Variants in CDYL observed in about 807,000 individuals in gnomAD.
The protein encoded by CDYL is chromodomain Y-like protein.
CDYL carries 8 observed loss-of-function variants against 47.3 expected under a neutral mutation model. The observed-to-expected ratio is 0.17, with a 90% CI of 0.10 to 0.31. The LOEUF is 0.31. Among genes scored for constraint, CDYL ranks in the 10% least tolerant of loss-of-function variants. The pLI, the probability that CDYL is intolerant of heterozygous loss-of-function variation, is 1.00. For missense variants in CDYL, 471 were observed against 701.4 expected (o/e 0.67, Z 3.71); for synonymous variants, 266 against 265.0 (o/e 1.00, Z -0.04).
chr6:4,806,463 C>A (rs902473446), intron 1 of CDYL, among the ~76,000 whole-genome samples: 1 of 152,312 alleles, frequency 6.6e-6, no homozygotes, highest in East Asian at 1.9e-4. Flanking sequence ...TTTAGAGTTT[C>A]GCAGCAAAGT....
intron 2 of CDYL, among the ~76,000 whole-genome samples, chr6:4,905,619 C>T (rs531124777): frequency 6.6e-6 from 1 of 152,256 alleles, no homozygotes; most frequent in Non-Finnish European, 1.5e-5. Context: ...CCAGTGAAGC[C>T]GTTGACTGCC....
chr6:4,839,807 T>C (rs1162028858), intron 1 of CDYL, among the ~76,000 whole-genome samples: 1 of 152,220 alleles, frequency 6.6e-6, no homozygotes, highest in Non-Finnish European at 1.5e-5. Context: ...TACCATGCTG[T>C]TTTGGTGACT....
At chr6:4,863,951 A>C (rs1761247622) in intron 1 of CDYL, among the ~76,000 whole-genome samples, 1 of 152,176 alleles carries the variant, frequency 6.6e-6, no homozygotes, top group Non-Finnish European at 1.5e-5. Flanking sequence ...AACCCTAGCA[A>C]ATTGAATTGA....
upstream of CDYL, among the ~76,000 whole-genome samples, chr6:4,774,075 C>G (rs1421201681): frequency 6.6e-6 from 1 of 152,180 alleles, no homozygotes; most frequent in African/African-American, 2.4e-5. Context: ...AGTACCATTA[C>G]GCACATGGTG....
chr6:4,894,865 A>G lies in CDYL; in HGVS notation c.691+2486A>G, dbSNP rs150737459. Among the ~76,000 whole-genome samples the G allele has an allele frequency of 2.9e-3, 57 of 19,748 alleles. 1 individual carries two copies. The highest frequency in any genetic ancestry group is 3.7e-3 in the African/African-American group (54 of 14,576). The allele number at this position is 19,748 out of a possible 152,430, so 13.0% of individuals were successfully genotyped here. A position where few individuals can be genotyped will look rare whatever the true frequency, so the allele number is the denominator to read the frequency against. On this transcript the variant is annotated intron_variant, in intron 2 of 6. Coordinates refer to ENST00000397588, the MANE Select transcript of CDYL (RefSeq NM_004824.4). ...TGTGTGTGTGTGTGTGTATATGTGT[A>G]TATACACACATGTGTATGTGTGTGT...
intron 2 of CDYL, among the ~76,000 whole-genome samples, chr6:4,893,445 C>T (rs1243419646): frequency 6.6e-6 from 1 of 152,226 alleles, no homozygotes. Context: ...GTAGTCTCAA[C>T]ACTTTGGGAG....
At chr6:4,952,498 G>C in intron 6 of CDYL, 89 bp downstream of exon 6, 4 of 1,425,980 alleles carry the variant, frequency 2.8e-6, no homozygotes, top group Non-Finnish European at 3.8e-6. Context: ...TTATTCCTAA[G>C]TCCTTTACGT....
intron 2 of CDYL, among the ~76,000 whole-genome samples, chr6:4,718,943 G>C (rs1757321071): frequency 6.7e-6 from 1 of 149,432 alleles, no homozygotes; most frequent in Non-Finnish European, 1.5e-5. Context: ...TTTCTTTTCA[G>C]ACAGAGTTTT....
intron 2 of CDYL, among the ~76,000 whole-genome samples, chr6:4,910,292 G>A (rs1757373069): frequency 6.6e-6 from 1 of 152,220 alleles, no homozygotes; most frequent in Non-Finnish European, 1.5e-5. Flanking sequence ...GCTCAGGTTT[G>A]TTAAACAGTG....
chr6:4,947,267 A>T (rs1442132799), intron 5 of CDYL, among the ~76,000 whole-genome samples: 2 of 152,094 alleles, frequency 1.3e-5, no homozygotes, highest in African/African-American at 4.8e-5. Context: ...TCTGATAGGG[A>T]TGGGTGGGCC....
chr6:4,902,197 G>A (rs977359398), intron 2 of CDYL, among the ~76,000 whole-genome samples: 1 of 151,624 alleles, frequency 6.6e-6, no homozygotes, highest in African/African-American at 2.4e-5. Context: ...TCTGGAGTTC[G>A]AGACCGGCCT....
rs1762055871 is a variant in CDYL, at chr6:4,891,962, T to G, written c.274T>G (p.Ser92Ala). ...CTCCAGATCCACCAACAGCAACTTTTCTAAGACCTCTCCTAAGGCACTCGT... is the reference window on the plus strand; with the variant it reads ...CTCCAGATCCACCAACAGCAACTTTGCTAAGACCTCTCCTAAGGCACTCGT... ...QISRSTNSNF[S>A]KTSPKALVIG... Residue 92 changes from serine to alanine, a missense_variant, in exon 2 of 7, where the codon TCT becomes GCT. Ser to Ala is a moderately conservative substitution (Grantham distance 99). Around this residue, in one of 3 missense-constraint regions of CDYL, gnomAD observed 311 missense variants for 350.0 expected, o/e 0.89. Coordinates refer to ENST00000397588, the MANE Select transcript of CDYL (RefSeq NM_004824.4). 3 of 1,613,982 alleles carry G rather than the reference T, an allele frequency of 1.9e-6. No homozygotes were observed. In the African/African-American group the frequency reaches 4.0e-5, roughly 22 times the overall value.
At chr6:4,724,836 G>C (rs748028018) in intron 2 of CDYL, 4 of 152,080 alleles carry the variant, frequency 2.6e-5, no homozygotes, top group African/African-American at 7.2e-5. Context: ...ATTGCAAAGA[G>C]CAAAAAAATA....
In CDYL at chr6:4,858,359, G is replaced by A. The variant is rs145511356; in HGVS notation, c.25-33354G>A. On this transcript the variant is annotated intron_variant, in intron 1 of 6. Transcript: ENST00000397588. ...TATCTTACTGACATGTAATAATGGC[G>A]AACACAAACACAGTCCTGGCAGGTG... Among the ~76,000 whole-genome samples, 1,036 of 152,242 alleles carry A rather than the reference G, an allele frequency of 6.8e-3. 13 individuals carry two copies. The highest frequency in any genetic ancestry group is 0.024 in the African/African-American group (1,003 of 41,522).
chr6:4,930,138 C>G (rs141654161), intron 2 of CDYL, among the ~76,000 whole-genome samples: 1 of 152,150 alleles, frequency 6.6e-6, no homozygotes, highest in African/African-American at 2.4e-5. Context: ...TTGATGAAAT[C>G]TCTGCTCTGG....
intron 4 of CDYL, among the ~76,000 whole-genome samples, chr6:4,941,642 A>G (rs1353116275): frequency 6.6e-6 from 1 of 152,230 alleles, no homozygotes; most frequent in Non-Finnish European, 1.5e-5. Context: ...TCAAAATCTA[A>G]GTTTCGACTT....
At chr6:4,772,983 T>G (rs1758359774), upstream of CDYL, 1 of 377,402 alleles carries the variant, frequency 2.6e-6, no homozygotes, top group African/African-American at 2.1e-5. Flanking sequence ...ACATGCCTGG[T>G]TTGGCTGGTG....
chr6:4,858,832 A>G (rs1042815359), intron 1 of CDYL, among the ~76,000 whole-genome samples: 2 of 152,234 alleles, frequency 1.3e-5, no homozygotes, highest in Admixed American at 6.5e-5. Flanking sequence ...TCCTCTGGAA[A>G]AAGGGGAAGA....
intron 4 of CDYL, among the ~76,000 whole-genome samples, chr6:4,938,629 T>TA (rs1366241534): frequency 6.6e-6 from 1 of 152,238 alleles, no homozygotes. Flanking sequence ...TTTTCAAGTA[T>TA]AAAAATACAT....
Sources: allele counts gnomAD v4.1 joint callset (sites outside exome capture counted in the v4.1 genomes callset), GRCh38; gene constraint gnomAD v4.1.1; regional missense constraint gnomAD v4.1.1; transcripts MANE v1.5; gene names NCBI Gene and HGNC (gene_info 2026-07-23, HGNC 2026-07-21).